The following CASC3 variants were observed in gnomAD, a reference collection of about 807,000 sequenced individuals.
The protein encoded by CASC3 is CASC3 exon junction complex subunit, also known as protein CASC3.
In CASC3, 30 loss-of-function variants were observed where a neutral mutation model predicts 80.5. The observed-to-expected ratio is 0.37, with a 90% CI of 0.28 to 0.51. The LOEUF (loss-of-function observed/expected upper bound fraction) is 0.51, where lower values mean the gene tolerates loss of function less well. Among genes scored for constraint, CASC3 ranks in the 20% least tolerant of loss-of-function variants. CASC3 has a pLI of 0.94. For synonymous variants in CASC3, 312 were observed against 333.6 expected (o/e 0.94, Z 0.70); for missense variants, 824 against 922.2 (o/e 0.89, Z 1.38).
intron 3 of CASC3, among the ~76,000 whole-genome samples, chr17:40,141,912 G>A (rs1376972892): frequency 6.6e-6 from 1 of 152,174 alleles, no homozygotes; most frequent in African/African-American, 2.4e-5. Flanking sequence ...TTGACAGTTT[G>A]TTTTATGCAG....
At position 40,162,135 on chromosome 17, in the gene CASC3, C is replaced by T; in HGVS notation, c.590C>T (p.Thr197Ile). Residue 197 changes from threonine to isoleucine, a missense_variant, in exon 5 of 14, where the codon ACT becomes ATT. Thr to Ile is a moderately conservative substitution (Grantham distance 89, BLOSUM62 -1). Around this residue, in one of 3 missense-constraint regions of CASC3, gnomAD observed 201 missense variants for 294.1 expected, o/e 0.68. Coordinates refer to ENST00000264645, the MANE Select transcript of CASC3 (RefSeq NM_007359.5). ...TTTGAGCATGATCTTCGAGGGCAAA[C>T]TCAGGAGGAGGAAGTCAGGTAAAAG... ...LFFEHDLRGQ[T>I]QEEEVRPKGR... 6.2e-7 allele frequency: 1 copy of T among 1,613,338 alleles called. No homozygotes were observed. The highest frequency in any genetic ancestry group is 8.5e-7 in the Non-Finnish European group (1 of 1,179,670).
At chr17:40,166,925 TAA>T (rs768976065) in intron 8 of CASC3, 64 bp downstream of exon 8, 5 of 1,165,688 alleles carry the variant, frequency 4.3e-6, no homozygotes, top group Non-Finnish European at 6.1e-6. Context: ...GTTCATTGTT[TAA>T]ACCAAGATAA....
At position 40,165,332 on chromosome 17, in the gene CASC3, T is replaced by G. The variant is rs1201214702; in HGVS notation, c.1471+1166T>G. ...GACCCATCTTGGCCTCCCAGAGTGC[T>G]GGGATTACAGGCGTGAGCCACTGTG... is the stretch of plus-strand genomic sequence containing the variant. On this transcript the variant is annotated intron_variant, in intron 7 of 13. Coordinates refer to ENST00000264645, the MANE Select transcript of CASC3 (RefSeq NM_007359.5). Among the ~76,000 whole-genome samples, 4 of 152,312 alleles carry G rather than the reference T, an allele frequency of 2.6e-5. No homozygotes were observed. The South Asian group carries it at 6.2e-4, about 24-fold the overall frequency.
At chr17:40,155,962 T>C (rs1186075444) in intron 3 of CASC3, among the ~76,000 whole-genome samples, 1 of 152,234 alleles carries the variant, frequency 6.6e-6, no homozygotes, top group East Asian at 1.9e-4. Context: ...GAAACAAAAT[T>C]AGTTTTTCAC....
At chr17:40,148,687 A>C (rs960001636) in intron 3 of CASC3, among the ~76,000 whole-genome samples, 1 of 151,894 alleles carries the variant, frequency 6.6e-6, no homozygotes, top group Non-Finnish European at 1.5e-5. Context: ...TGCTGTTCTC[A>C]GTTTTGACTG....
chr17:40,168,084 C>T, intron 10 of CASC3, 119 bp from the exon 11 acceptor site: 6 of 1,259,974 alleles, frequency 4.8e-6, no homozygotes, highest in African/African-American at 1.5e-5. Flanking sequence ...CAACAAGTTC[C>T]TCTTGTGTCC....
chr17:40,167,037 C>T (rs1989467287), intron 8 of CASC3, 176 bp downstream of exon 8: 6 of 545,842 alleles, frequency 1.1e-5, no homozygotes, highest in Middle Eastern at 9.4e-4. Context: ...CGGCTCACTG[C>T]AAGCTCTGCC....
At chr17:40,152,470 C>T (rs1021075639) in intron 3 of CASC3, among the ~76,000 whole-genome samples, 4 of 151,870 alleles carry the variant, frequency 2.6e-5, no homozygotes, top group Admixed American at 1.3e-4. Context: ...TACAGTCATG[C>T]GCCACCAAGC....
rs1195308805 is a variant in CASC3 at position 40,156,039 on chromosome 17, C to G, written c.298-5714C>G. Reference sequence around the variant, plus strand: ...GAGGGTGGAGCATAAAACAAGCTTTCCTTATTAATCATGTGATAATACTAT... The same window carrying G: ...GAGGGTGGAGCATAAAACAAGCTTTGCTTATTAATCATGTGATAATACTAT... On this transcript the variant is annotated intron_variant, in intron 3 of 13. Transcript: ENST00000264645. Among the ~76,000 whole-genome samples, 6 of 152,272 alleles carry G rather than the reference C, an allele frequency of 3.9e-5. No homozygotes were observed. The South Asian group carries it at 8.3e-4, about 21-fold the overall frequency.
Position 40,172,108 on chromosome 17 carries a change from A to G in CASC3, c.*1703A>G. 1 of 1,289,924 alleles carries G rather than the reference A, an allele frequency of 7.8e-7. No individual in the cohort carries two copies. Among genetic ancestry groups the G allele is most frequent in the Non-Finnish European group, 1.0e-6 (1 of 988,844 alleles). 79.9% of individuals were successfully genotyped at this position (1,289,924 alleles called of 1,614,324 possible). A position where few individuals can be genotyped will look rare whatever the true frequency, so the allele number is the denominator to read the frequency against. ...TGGTGGTGTTTTTTGTTACTGTTTT[A>G]AAGGGTGCCCATTTGTGATCAGCAT... is the stretch of plus-strand genomic sequence containing the variant. On this transcript the variant is annotated 3_prime_UTR_variant, in exon 14 of 14. Coordinates refer to ENST00000264645, the MANE Select transcript of CASC3 (RefSeq NM_007359.5).
In CASC3 at chr17:40,164,052, G is replaced by A. The variant is rs937616014; in HGVS notation, c.1357G>A (p.Ala453Thr). The A allele has an allele frequency of 6.2e-7, 1 of 1,613,876 alleles. No individual in the cohort carries two copies. The highest frequency in any genetic ancestry group is 8.5e-7 in the Non-Finnish European group (1 of 1,180,034). The change falls in exon 7 of 14, where the codon GCT (alanine) becomes ACT (threonine). Residue 453 changes from alanine to threonine, a missense_variant. Coordinates refer to ENST00000264645, the MANE Select transcript of CASC3 (RefSeq NM_007359.5). ...TPPTKTGTWE[A>T]PVDSSTSGLE... The stretch of plus-strand genomic sequence containing the variant: ...ACCTACTAAGACTGGGACCTGGGAA[G>A]CTCCGGTGGATTCTAGTACAAGTGG...
chr17:40,172,055 T>C lies in CASC3; in HGVS notation c.*1650T>C, dbSNP rs1276314740. The C allele has an allele frequency of 3.1e-6, 4 of 1,289,822 alleles. No homozygotes were observed. Among genetic ancestry groups the C allele is most frequent in the Non-Finnish European group, 4.0e-6 (4 of 988,860 alleles). The allele number at this position is 1,289,822 out of a possible 1,614,324, so 79.9% of individuals were successfully genotyped here. On this transcript the variant is annotated 3_prime_UTR_variant, in exon 14 of 14. Coordinates refer to ENST00000264645, the MANE Select transcript of CASC3 (RefSeq NM_007359.5). Reference sequence around the variant, plus strand: ...GAGAGTTGTCTCTGTTGGTCCACTGTGTTTAGTTGCAAGGATTTTTCCATG... The same window carrying C: ...GAGAGTTGTCTCTGTTGGTCCACTGCGTTTAGTTGCAAGGATTTTTCCATG...
At position 40,140,635 on chromosome 17, in the gene CASC3, G is replaced by C. The variant is rs769830307; in HGVS notation, c.87G>C (p.Pro29=). The change falls in exon 1 of 14, where the codon CCG becomes CCC. Residue 29 remains proline (P), a synonymous_variant. Transcript: ENST00000264645. ...GASGSDSGGS[P]LRGGGSCSGS... ...CGGGCTCCGACAGCGGCGGCTCCCC[G>C]TTGCGGGGAGGCGGGAGCTGCAGCG... The C allele has an allele frequency of 6.2e-7, 1 of 1,607,040 alleles. No homozygotes were observed.
At position 40,148,092 on chromosome 17, in the gene CASC3, C is replaced by T. The variant is rs538406206; in HGVS notation, c.297+6485C>T. Among the ~76,000 whole-genome samples the T allele has an allele frequency of 3.3e-5, 5 of 152,048 alleles. No homozygotes were observed. The South Asian group carries it at 6.2e-4, about 19-fold the overall frequency. On this transcript the variant is annotated intron_variant, in intron 3 of 13. Transcript: ENST00000264645. ...TTCATTTTTATGTAAAATTAGTTTT[C>T]CTGGTCTTTTCGAAGGAAGCATGAT...
rs1989461776 is a variant in CASC3, at chr17:40,166,856, G to A, written c.1531G>A (p.Glu511Lys). 1.2e-6 allele frequency: 2 copies of A among 1,606,816 alleles called. No individual in the cohort carries two copies. Among genetic ancestry groups the A allele is most frequent in the South Asian group, 2.2e-5 (2 of 89,470 alleles). ...GPPPQFNRME[E>K]MGVQGGRAKR... ...TCCACCTCAGTTTAACCGGATGGAA[G>A]AAATGGTACAGAAGGGGAAAGGGGT... The change falls in exon 8 of 14, where the codon GAA becomes AAA. Residue 511 changes from glutamate (E) to lysine (K), a missense_variant. Physicochemically the swap from Glu to Lys is moderately conservative, Grantham distance 56. Coordinates refer to ENST00000264645, the MANE Select transcript of CASC3 (RefSeq NM_007359.5).
chr17:40,171,797 T>C lies in CASC3; in HGVS notation c.*1392T>C. ...GTGTCTCTCCCCGGTAATGTCACTGTTTTTATTCCTTCCATCTAGCAGCTG... is the reference window on the plus strand; with the variant it reads ...GTGTCTCTCCCCGGTAATGTCACTGCTTTTATTCCTTCCATCTAGCAGCTG... On this transcript the variant is annotated 3_prime_UTR_variant, in exon 14 of 14. Transcript: ENST00000264645. 1 of 1,171,194 alleles carries C rather than the reference T, an allele frequency of 8.5e-7. No individual in the cohort carries two copies. The highest frequency in any genetic ancestry group is 1.7e-5 in the South Asian group (1 of 58,784). The allele number at this position is 1,171,194 out of a possible 1,614,324, so 72.6% of individuals were successfully genotyped here. A position where few individuals can be genotyped will look rare whatever the true frequency, so the allele number is the denominator to read the frequency against.
chr17:40,141,666 A>G, intron 3 of CASC3, 59 bp downstream of exon 3: 1 of 1,284,314 alleles, frequency 7.8e-7, no homozygotes, highest in Non-Finnish European at 1.1e-6. Context: ...AAAAACGTGT[A>G]CACACCTTCG....
rs762323823 is a variant in CASC3 at position 40,167,859 on chromosome 17, A to G, written c.1661A>G (p.Gln554Arg). 40 of 1,613,808 alleles carry G rather than the reference A, an allele frequency of 2.5e-5. No individual in the cohort carries two copies. Among genetic ancestry groups the G allele is most frequent in the Non-Finnish European group, 2.5e-6 (3 of 1,179,768 alleles). The change falls in exon 10 of 14, where the codon CAG (glutamine) becomes CGG (arginine). Residue 554 changes from glutamine to arginine, a missense_variant. This residue lies in a region of CASC3 where 464 missense variants were observed against 506.0 expected (regional missense o/e 0.92). Transcript: ENST00000264645. The part of the protein sequence containing the change: ...EGHYYDPLQF[Q>R]GPIYTHGDSP... ...ATGTGATATCTTACAGTGCAGTTCC[A>G]GGGACCAATCTATACCCATGGTGAC...
chr17:40,167,468 T>A (rs1217335715), intron 8 of CASC3, 30 bp from the exon 9 acceptor site: 1 of 1,531,904 alleles, frequency 6.5e-7, no homozygotes, highest in South Asian at 1.1e-5. Context: ...TCTAGAATTC[T>A]TATTGTTTAG....
Sources: allele counts gnomAD v4.1 joint callset (sites outside exome capture counted in the v4.1 genomes callset), GRCh38; gene constraint gnomAD v4.1.1; regional missense constraint gnomAD v4.1.1; transcripts MANE v1.5; gene names NCBI Gene and HGNC (gene_info 2026-07-23, HGNC 2026-07-21).